Variants in THSD7B observed in about 807,000 individuals in gnomAD.
The protein encoded by THSD7B is thrombospondin type 1 domain containing 7B.
THSD7B carries 138 observed loss-of-function variants against 213.6 expected under a neutral mutation model. The observed-to-expected ratio is 0.65, with a 90% CI of 0.56 to 0.74. The LOEUF is 0.74. Among genes scored for constraint, THSD7B ranks in the 30% least tolerant of loss-of-function variants. The pLI is 0.00. For synonymous variants in THSD7B, 742 were observed against 687.0 expected, an observed-to-expected ratio of 1.08 and a Z score of -1.25; for missense variants, 1,931 against 1,991.5, an observed-to-expected ratio of 0.97 and a Z score of 0.58.
intron 23 of THSD7B, 43 bp downstream of exon 23, chr2:137,657,012 T>C (rs750743729): frequency 6.2e-7 from 1 of 1,613,506 alleles, no homozygotes; most frequent in Non-Finnish European, 8.5e-7. Context: ...CATTGATCAA[T>C]GCTTATTCTA....
intron 2 of THSD7B, among the ~76,000 whole-genome samples, chr2:136,957,452 T>TC (rs1685146173): frequency 6.8e-6 from 1 of 146,352 alleles, no homozygotes; most frequent in African/African-American, 2.5e-5. Context: ...TTTTTTTTTT[T>TC]CTTGCTTTGA....
At chr2:137,513,699 A>T (rs569225945) in intron 15 of THSD7B, among the ~76,000 whole-genome samples, 1 of 152,292 alleles carries the variant, frequency 6.6e-6, no homozygotes, top group African/African-American at 2.4e-5. Context: ...TAGAAAACAG[A>T]TCCTGAGGTA....
chr2:137,535,455 A>T (rs1332206125), intron 15 of THSD7B, among the ~76,000 whole-genome samples: 1 of 151,842 alleles, frequency 6.6e-6, no homozygotes, highest in Non-Finnish European at 1.5e-5. Context: ...TGCAATGACC[A>T]CGTAGGCTCC....
chr2:137,149,630 C>T (rs1010096303), intron 5 of THSD7B, among the ~76,000 whole-genome samples: 1 of 152,218 alleles, frequency 6.6e-6, no homozygotes, highest in Non-Finnish European at 1.5e-5. Flanking sequence ...ATCAGCATGA[C>T]CTGGACATGA....
At chr2:137,312,833 A>G (rs1683955293) in intron 12 of THSD7B, among the ~76,000 whole-genome samples, 1 of 151,854 alleles carries the variant, frequency 6.6e-6, no homozygotes, top group African/African-American at 2.4e-5. Flanking sequence ...GAGATTCTTA[A>G]TCCTGAGTTC....
Position 137,087,959 on chromosome 2 carries a change from G to T in THSD7B, c.951-6914G>T, listed in dbSNP as rs199903856. Reference sequence around the variant, plus strand: ...GTACTGGTATAAAATAGGTACACAGGCCAGGCATGGTGGCTCACGCTTGTA... The same window carrying T: ...GTACTGGTATAAAATAGGTACACAGTCCAGGCATGGTGGCTCACGCTTGTA... On this transcript the variant is annotated intron_variant, in intron 3 of 27. Transcript: ENST00000409968. Among the ~76,000 whole-genome samples, 9 of 152,186 alleles carry T rather than the reference G, an allele frequency of 5.9e-5. No individual in the cohort carries two copies. The East Asian group carries it at 1.5e-3, about 26-fold the overall frequency.
intron 4 of THSD7B, among the ~76,000 whole-genome samples, chr2:137,103,415 G>A (rs568739231): frequency 6.6e-6 from 1 of 152,226 alleles, no homozygotes; most frequent in East Asian, 1.9e-4. Flanking sequence ...TCCAGTACCA[G>A]CCAATGCAAA....
At chr2:136,874,711 G>T (rs1683496748) in intron 1 of THSD7B, among the ~76,000 whole-genome samples, 1 of 152,072 alleles carries the variant, frequency 6.6e-6, no homozygotes, top group Non-Finnish European at 1.5e-5. Context: ...GAAAACTGAG[G>T]CTAAAAGGAG....
intron 4 of THSD7B, among the ~76,000 whole-genome samples, chr2:137,103,450 T>A (rs557984386): frequency 6.6e-6 from 1 of 152,158 alleles, no homozygotes; most frequent in East Asian, 1.9e-4. Flanking sequence ...TAAAGACCAT[T>A]GACACTATGA....
intron 17 of THSD7B, among the ~76,000 whole-genome samples, chr2:137,577,852 TCATA>T (rs947391139): frequency 1.7e-4 from 26 of 152,160 alleles, no homozygotes; most frequent in African/African-American, 5.8e-4. Context: ...AAAACGTGAC[TCATA>T]CAAAGTATCA....
At chr2:137,395,221 G>A in intron 12 of THSD7B, among the ~76,000 whole-genome samples, 1 of 144,610 alleles carries the variant, frequency 6.9e-6, no homozygotes. Flanking sequence ...TGGTGAGAGA[G>A]GGCATCCCTG....
chr2:137,205,013 C>A (rs1372660992), intron 7 of THSD7B, among the ~76,000 whole-genome samples: 1 of 151,960 alleles, frequency 6.6e-6, no homozygotes, highest in Non-Finnish European at 1.5e-5. Context: ...TAGAATGCAC[C>A]CACACGGATG....
chr2:137,217,811 T>C (rs1013024294), intron 7 of THSD7B, among the ~76,000 whole-genome samples: 1 of 152,112 alleles, frequency 6.6e-6, no homozygotes, highest in African/African-American at 2.4e-5. Flanking sequence ...GATTCAGAAA[T>C]ACATAAGATA....
At chr2:137,584,593 T>C (rs1289764004) in intron 17 of THSD7B, among the ~76,000 whole-genome samples, 1 of 152,184 alleles carries the variant, frequency 6.6e-6, no homozygotes, top group Non-Finnish European at 1.5e-5. Flanking sequence ...ATTGAGATAA[T>C]CATGTCATTT....
At chr2:137,476,462 A>G (rs1461215003) in intron 15 of THSD7B, among the ~76,000 whole-genome samples, 4 of 151,978 alleles carry the variant, frequency 2.6e-5, no homozygotes, top group East Asian at 1.9e-4. Context: ...TTTTATGTCT[A>G]AGTCTTTAAT....
intron 10 of THSD7B, among the ~76,000 whole-genome samples, chr2:137,265,514 C>T (rs961783747): frequency 6.6e-6 from 1 of 152,132 alleles, no homozygotes; most frequent in Non-Finnish European, 1.5e-5. Flanking sequence ...CACATGCACA[C>T]GTATGTTTAT....
At chr2:136,864,450 C>T (rs1369244126) in intron 1 of THSD7B, among the ~76,000 whole-genome samples, 1 of 152,120 alleles carries the variant, frequency 6.6e-6, no homozygotes, top group Admixed American at 6.5e-5. Context: ...TATATGTCTT[C>T]CAAAAATTTA....
chr2:137,370,178 C>A (rs373136063), intron 12 of THSD7B, among the ~76,000 whole-genome samples: 43 of 151,824 alleles, frequency 2.8e-4, no homozygotes, highest in African/African-American at 9.7e-4. Flanking sequence ...ATCTGGTATG[C>A]TATTTCGTAT....
chr2:137,119,234 G>T (rs143648962), intron 5 of THSD7B, among the ~76,000 whole-genome samples: 1 of 152,236 alleles, frequency 6.6e-6, no homozygotes, highest in East Asian at 1.9e-4. Flanking sequence ...TGAATATGTT[G>T]ATTTGATGAG....
Sources: allele counts gnomAD v4.1 joint callset (sites outside exome capture counted in the v4.1 genomes callset), GRCh38; gene constraint gnomAD v4.1.1; transcripts MANE v1.5; gene names NCBI Gene and HGNC (gene_info 2026-07-23, HGNC 2026-07-21).